EDIL3: variants seen among roughly 807,000 people sequenced by gnomAD.
EDIL3 encodes EGF like and discoidin domains 3.
EDIL3 carries 37 observed loss-of-function variants against 67.4 expected under a neutral mutation model. That is an observed-to-expected ratio of 0.55 (90% CI 0.42 to 0.72). The LOEUF is 0.72. EDIL3 is among the 30% of genes least tolerant of loss of function. EDIL3 has a pLI of 0.00. For synonymous variants in EDIL3, 195 were observed against 196.3 expected (o/e 0.99, Z 0.05); for missense variants, 527 against 586.3 (o/e 0.90, Z 1.04).
At chr5:84,027,767 T>A (rs1311246255) in intron 9 of EDIL3, among the ~76,000 whole-genome samples, 1 of 151,944 alleles carries the variant, frequency 6.6e-6, no homozygotes, top group African/African-American at 2.4e-5. Context: ...GTAATTAGTA[T>A]AAATGATATT....
At chr5:84,013,261 T>A (rs559298367) in intron 9 of EDIL3, among the ~76,000 whole-genome samples, 1 of 152,122 alleles carries the variant, frequency 6.6e-6, no homozygotes, top group South Asian at 2.1e-4. Flanking sequence ...AACTCAAAAA[T>A]TAATTTTAAA....
At chr5:84,033,574 C>T (rs1487028162) in intron 9 of EDIL3, among the ~76,000 whole-genome samples, 1 of 151,886 alleles carries the variant, frequency 6.6e-6, no homozygotes, top group Non-Finnish European at 1.5e-5. Context: ...TGTGGTGGCA[C>T]ACGCCTGTAG....
chr5:84,344,546 TACAA>T (rs1304832317), intron 1 of EDIL3, among the ~76,000 whole-genome samples: 2 of 152,224 alleles, frequency 1.3e-5, no homozygotes, highest in African/African-American at 2.4e-5. Context: ...GAAATTTAAA[TACAA>T]ACAAAGTATT....
At chr5:84,032,190 T>G (rs920024172) in intron 9 of EDIL3, among the ~76,000 whole-genome samples, 1 of 152,214 alleles carries the variant, frequency 6.6e-6, no homozygotes, top group African/African-American at 2.4e-5. Context: ...TTGAACATAA[T>G]TAGAATGGCA....
At chr5:84,229,810 G>T in intron 3 of EDIL3, 45 bp downstream of exon 3, 3 of 1,566,084 alleles carry the variant, frequency 1.9e-6, no homozygotes, top group Non-Finnish European at 2.6e-6. Flanking sequence ...ATTATTAAAG[G>T]CATGACATTA....
chr5:84,157,222 C>T (rs548328014), intron 4 of EDIL3, among the ~76,000 whole-genome samples: 3 of 151,930 alleles, frequency 2.0e-5, no homozygotes, highest in African/African-American at 7.2e-5. Context: ...CTAATGGGTA[C>T]GAGGCTTAAT....
chr5:84,316,437 CA>C, intron 1 of EDIL3, among the ~76,000 whole-genome samples: 1 of 151,608 alleles, frequency 6.6e-6, no homozygotes, highest in East Asian at 1.9e-4. Flanking sequence ...AAATGAAAAG[CA>C]AAAAAAGCGG....
At chr5:84,002,946 C>T (rs1214965878) in intron 9 of EDIL3, among the ~76,000 whole-genome samples, 1 of 152,188 alleles carries the variant, frequency 6.6e-6, no homozygotes, top group Non-Finnish European at 1.5e-5. Flanking sequence ...AGTCACTCTA[C>T]CAGTGGCTGA....
intron 9 of EDIL3, among the ~76,000 whole-genome samples, chr5:84,048,995 A>G (rs1561414366): frequency 6.6e-6 from 1 of 152,176 alleles, no homozygotes; most frequent in Non-Finnish European, 1.5e-5. Flanking sequence ...TAAAAAAGAA[A>G]TTAATCTTTC....
chr5:84,287,947 G>C (rs1030907998), intron 1 of EDIL3, among the ~76,000 whole-genome samples: 3 of 151,952 alleles, frequency 2.0e-5, no homozygotes, highest in Admixed American at 6.6e-5. Context: ...ACTTCAAATA[G>C]TCTTCTTGGC....
chr5:84,053,556 C>T (rs1335545775), intron 9 of EDIL3, among the ~76,000 whole-genome samples: 10 of 151,834 alleles, frequency 6.6e-5, no homozygotes, highest in Admixed American at 1.3e-4. Context: ...ATTGATAGAC[C>T]GCTAGCAAGA....
intron 10 of EDIL3, among the ~76,000 whole-genome samples, chr5:83,954,216 T>A (rs976285407): frequency 6.6e-6 from 1 of 151,628 alleles, no homozygotes; most frequent in Non-Finnish European, 1.5e-5. Context: ...TAATAAACAA[T>A]CAAAATATTA....
At chr5:84,355,658 G>A (rs1747465807) in intron 1 of EDIL3, among the ~76,000 whole-genome samples, 1 of 152,148 alleles carries the variant, frequency 6.6e-6, no homozygotes, top group Non-Finnish European at 1.5e-5. Flanking sequence ...TCCTCTGGAA[G>A]CTTCGTCCCA....
chr5:84,106,537 C>T (rs1747465837), intron 6 of EDIL3, 112 bp downstream of exon 6: 1 of 1,310,536 alleles, frequency 7.6e-7, no homozygotes, highest in Non-Finnish European at 1.0e-6. Context: ...TTACCCTTTC[C>T]TCTGACCATA....
intron 6 of EDIL3, among the ~76,000 whole-genome samples, chr5:84,073,686 T>A (rs3958738): frequency 0.29 from 43,487 of 150,232 alleles, 6,721 homozygotes; most frequent in East Asian, 0.42. Context: ...CACTGCTCAA[T>A]GAAATAAAAG....
chr5:83,963,393 C>T (rs180993401), intron 9 of EDIL3, 33 bp from the exon 10 acceptor site: 161 of 1,550,330 alleles, frequency 1.0e-4, no homozygotes, highest in South Asian at 5.9e-4. Context: ...GCTTTAAATG[C>T]GACAACCAAG....
At position 84,384,640 on chromosome 5, in the gene EDIL3, C is replaced by A. The variant is rs1260395135; in HGVS notation, c.-266G>T. On this transcript the variant is annotated 5_prime_UTR_variant, in exon 1 of 11. Coordinates refer to ENST00000296591, the MANE Select transcript of EDIL3 (RefSeq NM_005711.5). Reference sequence around the variant, plus strand: ...GGAGCCGCCGGCGGGCTCAGCCCTCCGCTGCGGGTGGGTCCCGGCAGAGGC... The same window carrying A: ...GGAGCCGCCGGCGGGCTCAGCCCTCAGCTGCGGGTGGGTCCCGGCAGAGGC... The A allele has an allele frequency of 7.6e-6, 2 of 261,648 alleles. No homozygotes were observed. Among genetic ancestry groups the A allele is most frequent in the Non-Finnish European group, 1.4e-5 (2 of 139,438 alleles). The allele number at this position is 261,648 out of a possible 1,614,324, so 16.2% of individuals were successfully genotyped here.
chr5:84,022,374 T>C (rs746064409), intron 9 of EDIL3, among the ~76,000 whole-genome samples: 2 of 152,028 alleles, frequency 1.3e-5, no homozygotes, highest in Non-Finnish European at 2.9e-5. Context: ...TATCCTTTCA[T>C]AATAAAAACT....
intron 9 of EDIL3, among the ~76,000 whole-genome samples, chr5:83,972,829 T>G (rs567886564): frequency 6.6e-6 from 1 of 152,204 alleles, no homozygotes; most frequent in African/African-American, 2.4e-5. Context: ...TCATGACATA[T>G]TTTTTAAAAC....
Sources: gnomAD v4.1 joint callset for allele counts (sites outside exome capture counted in the v4.1 genomes callset) on GRCh38, gnomAD v4.1.1 for gene constraint, MANE v1.5 for transcripts, NCBI Gene and HGNC (gene_info 2026-07-23, HGNC 2026-07-21) for gene names.